RANBP2: variants seen among roughly 807,000 people sequenced by gnomAD.
RANBP2 encodes the protein RAN binding protein 2.
Under a neutral mutation model 303.6 loss-of-function variants are expected in RANBP2, and 57 were observed. The ratio of observed to expected loss-of-function variants is 0.19; its 90% CI spans 0.15 to 0.23. RANBP2 has a LOEUF of 0.23. Among genes scored for constraint, RANBP2 ranks in the 10% least tolerant of loss-of-function variants. The pLI, the probability that RANBP2 is intolerant of heterozygous loss-of-function variation, is 1.00. For missense variants in RANBP2, 3,138 were observed against 3,780.8 expected (o/e 0.83, Z 4.46); for synonymous variants, 1,167 against 1,301.5 (o/e 0.90, Z 2.23).
chr2:108,998,887 A>C, the RANBP2 span, among the ~76,000 whole-genome samples: 1 of 152,200 alleles, frequency 6.6e-6, no homozygotes, highest in Admixed American at 6.5e-5. Context: ...TGAAGGCTGA[A>C]AGCTGGGCCC....
chr2:109,416,747 G>A, the RANBP2 span, among the ~76,000 whole-genome samples: 10 of 151,574 alleles, frequency 6.6e-5, no homozygotes, highest in African/African-American at 1.7e-4. Flanking sequence ...CAACAACAAC[G>A]AACAAAATAT....
chr2:108,943,339 AG>A, the RANBP2 span, among the ~76,000 whole-genome samples: 83 of 152,258 alleles, frequency 5.5e-4, 2 homozygotes, highest in South Asian at 0.017. Flanking sequence ...TATCCCTCAG[AG>A]CTTGGGGATC....
chr2:109,565,575 T>C, the RANBP2 span, among the ~76,000 whole-genome samples: 1 of 152,136 alleles, frequency 6.6e-6, no homozygotes, highest in East Asian at 1.9e-4. Context: ...GCGGGGGTAA[T>C]GTGTGTGTGG....
the RANBP2 span, among the ~76,000 whole-genome samples, chr2:109,316,011 G>C: frequency 0.015 from 2,260 of 152,294 alleles, 44 homozygotes; most frequent in African/African-American, 0.051. Flanking sequence ...GCATGCATCA[G>C]GGGCTTTTTT....
the RANBP2 span, chr2:108,930,255 G>A: frequency 6.2e-7 from 1 of 1,614,092 alleles, no homozygotes; most frequent in Non-Finnish European, 8.5e-7. Flanking sequence ...GCCAACAAAG[G>A]GGGGTGTTGT....
At chr2:108,742,616 A>G (rs184024833) in intron 7 of RANBP2, among the ~76,000 whole-genome samples, 57 of 152,042 alleles carry the variant, frequency 3.7e-4, no homozygotes, top group Admixed American at 2.9e-3. Context: ...TAAATCTTTT[A>G]AAAACACCGT....
the RANBP2 span, among the ~76,000 whole-genome samples, chr2:108,818,832 T>G: frequency 4.0e-5 from 6 of 151,564 alleles, no homozygotes; most frequent in Non-Finnish European, 8.8e-5. Flanking sequence ...TTTTTTTTTT[T>G]GTATATTTGA....
chr2:109,601,899 C>A, the RANBP2 span, among the ~76,000 whole-genome samples: 1 of 152,064 alleles, frequency 6.6e-6, no homozygotes, highest in Admixed American at 6.6e-5. Flanking sequence ...TAGCCTACCG[C>A]AGCATAAGAG....
the RANBP2 span, among the ~76,000 whole-genome samples, chr2:108,842,190 G>C: frequency 1.6e-5 from 2 of 127,320 alleles, no homozygotes; most frequent in African/African-American, 5.5e-5. Flanking sequence ...ACCACACCTG[G>C]CTAATTAAAA....
At chr2:108,729,784 A>G (rs1459677507) in intron 2 of RANBP2, among the ~76,000 whole-genome samples, 3 of 148,628 alleles carry the variant, frequency 2.0e-5, no homozygotes, top group Non-Finnish European at 4.4e-5. Context: ...AGCTGGCTCC[A>G]TCTTTGCTCA....
chr2:109,675,536 G>C, the RANBP2 span, among the ~76,000 whole-genome samples: 1 of 152,134 alleles, frequency 6.6e-6, no homozygotes, highest in African/African-American at 2.4e-5. Context: ...ACAAAAATTA[G>C]CTGGGTGTGG....
the RANBP2 span, among the ~76,000 whole-genome samples, chr2:109,438,658 C>A: frequency 6.6e-6 from 1 of 152,192 alleles, no homozygotes; most frequent in Non-Finnish European, 1.5e-5. Context: ...CCAAGCCCAC[C>A]CTGCAACCCA....
the RANBP2 span, among the ~76,000 whole-genome samples, chr2:109,004,974 C>G: frequency 6.6e-6 from 1 of 152,022 alleles, no homozygotes; most frequent in Non-Finnish European, 1.5e-5. Context: ...GTTCAGAGCC[C>G]GGTGGTTATT....
At chr2:109,279,404 G>A in the RANBP2 span, among the ~76,000 whole-genome samples, 1 of 152,214 alleles carries the variant, frequency 6.6e-6, no homozygotes, top group Non-Finnish European at 1.5e-5. Context: ...ATCACCTGCT[G>A]GAGTGACTGT....
chr2:108,732,906 C>T (rs1462834913), intron 4 of RANBP2, among the ~76,000 whole-genome samples: 2 of 152,218 alleles, frequency 1.3e-5, no homozygotes, highest in Admixed American at 6.5e-5. Context: ...TCACTGCCAC[C>T]TCCGCCTCCC....
intron 25 of RANBP2, 65 bp downstream of exon 25, chr2:108,777,296 T>C: frequency 1.6e-6 from 2 of 1,232,486 alleles, no homozygotes; most frequent in Non-Finnish European, 2.3e-6. Flanking sequence ...GAAAAACTAG[T>C]TTTTTGTTGC....
chr2:109,231,815 A>G, the RANBP2 span, among the ~76,000 whole-genome samples: 1 of 152,228 alleles, frequency 6.6e-6, no homozygotes, highest in Non-Finnish European at 1.5e-5. Flanking sequence ...TTAGTAATGT[A>G]GAATTTACTC....
At chr2:109,019,582 A>G in the RANBP2 span, among the ~76,000 whole-genome samples, 1 of 152,316 alleles carries the variant, frequency 6.6e-6, no homozygotes, top group Admixed American at 6.5e-5. Context: ...AGAACACCCG[A>G]CATGGGTGAT....
chr2:109,449,409 G>A, the RANBP2 span: 1 of 1,613,620 alleles, frequency 6.2e-7, no homozygotes, highest in Admixed American at 1.7e-5. Context: ...CGGGGAGGCT[G>A]GAGGGGGGCC....
Sources: allele counts gnomAD v4.1 joint callset (sites outside exome capture counted in the v4.1 genomes callset), GRCh38; gene constraint gnomAD v4.1.1; transcripts MANE v1.5; gene names NCBI Gene and HGNC (gene_info 2026-07-23, HGNC 2026-07-21).